Variants in ADK observed in about 807,000 individuals in gnomAD.
ADK encodes the protein N6,N6-dimethyladenosine kinase.
ADK carries 24 observed loss-of-function variants against 44.7 expected under a neutral mutation model. The observed-to-expected ratio is 0.54, with a 90% CI of 0.39 to 0.76. The LOEUF (loss-of-function observed/expected upper bound fraction) is 0.76, where lower values mean the gene tolerates loss of function less well. Among genes scored for constraint, ADK ranks in the 30% least tolerant of loss-of-function variants. The pLI, the probability that ADK is intolerant of heterozygous loss-of-function variation, is 0.00. For missense variants in ADK, 321 were observed against 425.1 expected (o/e 0.76, Z 2.15); for synonymous variants, 128 against 142.6 (o/e 0.90, Z 0.73).
intron 6 of ADK, among the ~76,000 whole-genome samples, chr10:74,524,502 C>T (rs1848963504): frequency 6.6e-6 from 1 of 152,144 alleles, no homozygotes; most frequent in Non-Finnish European, 1.5e-5. Context: ...TAGCAATCCT[C>T]CCGTCTCAGT....
At chr10:74,276,005 G>T (rs1846658811) in intron 3 of ADK, among the ~76,000 whole-genome samples, 1 of 152,044 alleles carries the variant, frequency 6.6e-6, no homozygotes, top group Non-Finnish European at 1.5e-5. Flanking sequence ...TAGAGGCTGG[G>T]CACAAATTGT....
intron 1 of ADK, among the ~76,000 whole-genome samples, chr10:74,183,966 G>A (rs1035849323): frequency 4.0e-5 from 6 of 151,442 alleles, no homozygotes; most frequent in Non-Finnish European, 7.4e-5. Context: ...ACCCAGGCTG[G>A]AGTGCAGTGG....
At chr10:74,541,896 A>G (rs1849654496) in intron 7 of ADK, among the ~76,000 whole-genome samples, 1 of 148,606 alleles carries the variant, frequency 6.7e-6, no homozygotes, top group Non-Finnish European at 1.5e-5. Context: ...TGGTAATACT[A>G]ACTTTGATCA....
intron 6 of ADK, among the ~76,000 whole-genome samples, chr10:74,456,706 C>A (rs1257785555): frequency 6.6e-6 from 1 of 150,528 alleles, no homozygotes; most frequent in Non-Finnish European, 1.5e-5. Context: ...CTGAAAACCA[C>A]CCAACCACTG....
At chr10:74,508,519 T>C (rs1371920702) in intron 6 of ADK, 1 of 152,212 alleles carries the variant, frequency 6.6e-6, no homozygotes, top group Non-Finnish European at 1.5e-5. Context: ...TTGAGAGACA[T>C]TATTATTCCC....
chr10:74,333,938 A>G (rs765616731), intron 4 of ADK, among the ~76,000 whole-genome samples: 19 of 152,130 alleles, frequency 1.2e-4, no homozygotes, highest in Non-Finnish European at 2.4e-4. Flanking sequence ...TTTTCTAGAA[A>G]AGAAATTCTT....
At position 74,176,389 on chromosome 10, in the gene ADK, C is replaced by T. The variant is rs141284494; in HGVS notation, c.66-24375C>T. 7.2e-4 allele frequency: 673 copies of T among 940,792 alleles called. 7 individuals are homozygous for T. The African/African-American group carries it at 0.011, about 16-fold the overall frequency. 58.3% of individuals were successfully genotyped at this position (940,792 alleles called of 1,614,324 possible). A position where few individuals can be genotyped will look rare whatever the true frequency, so the allele number is the denominator to read the frequency against. On this transcript the variant is annotated intron_variant, in intron 1 of 10. Transcript: ENST00000539909. The stretch of plus-strand genomic sequence containing the variant: ...GGCTGTTAAATCCCACTCCCGAAGA[C>T]CTGCCCTGACAGCGCCTCTTTCCTA...
chr10:74,224,626 A>T, intron 3 of ADK, 35 bp downstream of exon 3: 1 of 1,556,466 alleles, frequency 6.4e-7, no homozygotes, highest in Non-Finnish European at 8.9e-7. Context: ...TAAATAGTTT[A>T]CTCTGTCTAT....
chr10:74,184,228 T>C (rs1329229228), intron 1 of ADK, among the ~76,000 whole-genome samples: 1 of 152,212 alleles, frequency 6.6e-6, no homozygotes, highest in Non-Finnish European at 1.5e-5. Context: ...GAGATTTTTA[T>C]TTTTTAAATG....
intron 6 of ADK, among the ~76,000 whole-genome samples, chr10:74,452,550 G>C (rs1845813703): frequency 6.6e-6 from 1 of 152,032 alleles, no homozygotes; most frequent in African/African-American, 2.4e-5. Context: ...TTTTGCTCCA[G>C]AAATGTGATA....
chr10:74,300,308 TTCTTTCCTTCC>T (rs1839977655), intron 3 of ADK, among the ~76,000 whole-genome samples: 3 of 68,266 alleles, frequency 4.4e-5, no homozygotes, highest in Non-Finnish European at 8.5e-5. Flanking sequence ...CCTTCCTTCC[TTCTTTCCTTCC>T]TTCCTTCCTT....
At chr10:74,156,357 G>T (rs1841750549) in intron 1 of ADK, among the ~76,000 whole-genome samples, 1 of 152,104 alleles carries the variant, frequency 6.6e-6, no homozygotes, top group Admixed American at 6.5e-5. Context: ...TGTGGCTCAT[G>T]CCTGTAATCC....
At chr10:74,563,909 A>G (rs962737368) in intron 7 of ADK, among the ~76,000 whole-genome samples, 1 of 151,976 alleles carries the variant, frequency 6.6e-6, no homozygotes, top group African/African-American at 2.4e-5. Flanking sequence ...TTTTATTATT[A>G]TACTTTAAGT....
At chr10:74,231,024 G>A (rs1266712099) in intron 3 of ADK, among the ~76,000 whole-genome samples, 2 of 152,058 alleles carry the variant, frequency 1.3e-5, no homozygotes, top group African/African-American at 4.8e-5. Context: ...TCCATTGCAA[G>A]ACTTGGTAAC....
Position 74,391,652 on chromosome 10 carries a change from TACACAC to T in ADK, c.274-2449_274-2444del, listed in dbSNP as rs71475280. Among the ~76,000 whole-genome samples, 522 of 74,300 alleles carry T rather than the reference TACACAC, an allele frequency of 7.0e-3. 8 individuals carry two copies. Among genetic ancestry groups the T allele is most frequent in the African/African-American group, 0.016 (469 of 29,078 alleles). 48.7% of individuals were successfully genotyped at this position (74,300 alleles called of 152,430 possible). A position where few individuals can be genotyped will look rare whatever the true frequency, so the allele number is the denominator to read the frequency against. ...AATTCAGGAGTTCGAGGCAAGAATA[TACACAC>T]ACACACACACACACACACACACACA... is the stretch of plus-strand genomic sequence containing the variant. On this transcript the variant is annotated intron_variant, in intron 4 of 10. Transcript: ENST00000539909.
At chr10:74,349,752 G>T (rs772303156) in intron 4 of ADK, among the ~76,000 whole-genome samples, 1 of 151,704 alleles carries the variant, frequency 6.6e-6, no homozygotes, top group African/African-American at 2.4e-5. Flanking sequence ...AAAAAAAAAA[G>T]CAGGGGTTGC....
At chr10:74,468,333 T>C (rs1846432692) in intron 6 of ADK, among the ~76,000 whole-genome samples, 1 of 152,218 alleles carries the variant, frequency 6.6e-6, no homozygotes, top group Non-Finnish European at 1.5e-5. Flanking sequence ...CCTTGACTTT[T>C]ATAGTTTTAA....
intron 3 of ADK, among the ~76,000 whole-genome samples, chr10:74,231,255 A>G (rs928438034): frequency 2.0e-5 from 3 of 152,190 alleles, no homozygotes; most frequent in Admixed American, 6.5e-5. Context: ...AGTAAGTCAA[A>G]TGTATACATT....
At chr10:74,375,071 G>A (rs1393060831) in intron 4 of ADK, among the ~76,000 whole-genome samples, 1 of 152,052 alleles carries the variant, frequency 6.6e-6, no homozygotes, top group African/African-American at 2.4e-5. Flanking sequence ...TATTGTGGGT[G>A]CTCAGTAACA....
Sources: allele counts gnomAD v4.1 joint callset (sites outside exome capture counted in the v4.1 genomes callset), GRCh38; gene constraint gnomAD v4.1.1; transcripts MANE v1.5; gene names NCBI Gene and HGNC (gene_info 2026-07-23, HGNC 2026-07-21).